The following ADD1 variants were observed in gnomAD, a reference collection of about 807,000 sequenced individuals.
ADD1 encodes alpha-adducin.
Under a neutral mutation model 80.5 loss-of-function variants are expected in ADD1, and 24 were observed. That is an observed-to-expected ratio of 0.30 (90% CI 0.22 to 0.42). The LOEUF (loss-of-function observed/expected upper bound fraction) is 0.42. Ranked by LOEUF, ADD1 falls within the 10% of genes least tolerant of loss-of-function variation. The pLI, the probability that ADD1 is intolerant of heterozygous loss-of-function variation, is 1.00. For synonymous variants in ADD1, 373 were observed against 393.8 expected (o/e 0.95, Z 0.63); for missense variants, 948 against 1,019.0 (o/e 0.93, Z 0.95).
At chr4:2,872,663 C>T (rs895998104) in intron 1 of ADD1, among the ~76,000 whole-genome samples, 2 of 152,148 alleles carry the variant, frequency 1.3e-5, no homozygotes, top group African/African-American at 4.8e-5. Context: ...GTCGAGTGAT[C>T]CTCTCTCCTC....
At chr4:2,860,289 G>A (rs1258133609) in intron 1 of ADD1, among the ~76,000 whole-genome samples, 2 of 152,102 alleles carry the variant, frequency 1.3e-5, no homozygotes, top group African/African-American at 2.4e-5. Flanking sequence ...TCAACTTTGG[G>A]AATTGACGTG....
intron 15 of ADD1, among the ~76,000 whole-genome samples, chr4:2,927,798 C>T (rs986579770): frequency 6.6e-6 from 1 of 152,346 alleles, no homozygotes; most frequent in African/African-American, 2.4e-5. Flanking sequence ...ACTACTAGTA[C>T]ATGCCCTTAG....
chr4:2,894,574 A>T lies in ADD1; in HGVS notation c.592-8A>T, dbSNP rs754440619. 1.5e-5 allele frequency: 24 copies of T among 1,563,880 alleles called. No homozygotes were observed. Among genetic ancestry groups the T allele is most frequent in the Admixed American group, 4.1e-5 (2 of 48,674 alleles). On this transcript the variant is annotated splice_region_variant and splice_polypyrimidine_tract_variant and intron_variant, in intron 5 of 15. Transcript: ENST00000683351. ...TGGTATTTTACATTTTTATTTTTTT[A>T]TTTTCAGGTTAAGATCAATCTACAA...
At chr4:2,893,091 A>G (rs1235891463) in intron 4 of ADD1, among the ~76,000 whole-genome samples, 3 of 151,156 alleles carry the variant, frequency 2.0e-5, no homozygotes, top group South Asian at 2.1e-4. Context: ...CAAGTTGTCT[A>G]TTTTATTTTA....
intron 1 of ADD1, among the ~76,000 whole-genome samples, chr4:2,860,336 C>A (rs2108821838): frequency 6.6e-6 from 1 of 152,314 alleles, no homozygotes; most frequent in South Asian, 2.1e-4. Context: ...TTCAGAGATA[C>A]AAAACCCAAT....
chr4:2,921,309 T>G (rs1273058733), intron 14 of ADD1, among the ~76,000 whole-genome samples: 1 of 152,132 alleles, frequency 6.6e-6, no homozygotes, highest in African/African-American at 2.4e-5. Context: ...TTTGTATTTT[T>G]AGTAGAGATG....
intron 1 of ADD1, among the ~76,000 whole-genome samples, chr4:2,847,352 C>T (rs980464972): frequency 5.3e-5 from 8 of 151,080 alleles, no homozygotes; most frequent in Non-Finnish European, 8.8e-5. Context: ...ACCCAGGAGG[C>T]GGAGGTCGCA....
chr4:2,900,337 G>A (rs1735967904), intron 9 of ADD1: 1 of 152,434 alleles, frequency 6.6e-6, no homozygotes, highest in Admixed American at 6.5e-5. Context: ...CAGACACAGG[G>A]CTCTGGAACA....
chr4:2,894,444 C>T lies in ADD1; in HGVS notation c.592-138C>T, dbSNP rs934255941. ...ATGGTGGTGGGAGGATTGTTTGAACCTGGGAGGTGGAGGCCGAGGTCGCAC... is the reference window on the plus strand; with the variant it reads ...ATGGTGGTGGGAGGATTGTTTGAACTTGGGAGGTGGAGGCCGAGGTCGCAC... On this transcript the variant is annotated intron_variant, in intron 5 of 15. Coordinates refer to ENST00000683351, the MANE Select transcript of ADD1 (RefSeq NM_001354761.2). 6 of 742,564 alleles carry T rather than the reference C, an allele frequency of 8.1e-6. No homozygotes were observed. In the Admixed American group the frequency reaches 9.7e-5, roughly 12 times the overall value. The allele number at this position is 742,564 out of a possible 1,614,324, so 46.0% of individuals were successfully genotyped here. A position where few individuals can be genotyped will look rare whatever the true frequency, so the allele number is the denominator to read the frequency against.
intron 1 of ADD1, among the ~76,000 whole-genome samples, chr4:2,852,864 T>A (rs1192030936): frequency 6.6e-6 from 1 of 151,858 alleles, no homozygotes; most frequent in East Asian, 1.9e-4. Flanking sequence ...CACACCCAGC[T>A]AACTAAAAAA....
intron 1 of ADD1, 100 bp from the exon 2 acceptor site, chr4:2,875,796 C>G (rs965812667): frequency 2.0e-6 from 2 of 991,418 alleles, no homozygotes; most frequent in South Asian, 3.8e-5. Context: ...TCATTACATC[C>G]TCCTGTTGAA....
At chr4:2,867,664 C>T (rs1455714037) in intron 1 of ADD1, among the ~76,000 whole-genome samples, 4 of 152,158 alleles carry the variant, frequency 2.6e-5, no homozygotes, top group Admixed American at 6.5e-5. Flanking sequence ...GCTGGGAAGC[C>T]GTTAACTAAC....
intron 13 of ADD1, among the ~76,000 whole-genome samples, chr4:2,911,449 T>TATATATATATA (rs1553848841): frequency 1.1e-5 from 1 of 92,586 alleles, no homozygotes. Flanking sequence ...TATATATATA[T>TATATATATATA]TTTTTTTTTT....
intron 1 of ADD1, among the ~76,000 whole-genome samples, chr4:2,873,396 A>G (rs182047094): frequency 7.9e-5 from 12 of 152,376 alleles, no homozygotes; most frequent in Non-Finnish European, 1.2e-4. Flanking sequence ...AAGTAGAATT[A>G]TGCTTAATCT....
intron 9 of ADD1, among the ~76,000 whole-genome samples, chr4:2,904,348 G>A (rs1560222116): frequency 6.6e-6 from 1 of 152,196 alleles, no homozygotes; most frequent in East Asian, 1.9e-4. Flanking sequence ...AACAAAGGTT[G>A]TTTTGCATCT....
At chr4:2,921,800 A>G (rs137935183) in intron 14 of ADD1, among the ~76,000 whole-genome samples, 2,990 of 152,128 alleles carry the variant, frequency 0.02, 61 homozygotes, top group African/African-American at 0.046. Flanking sequence ...GTCTTTTCAC[A>G]TAGTCCCATA....
rs2108961189 is a variant in ADD1 at position 2,886,494 on chromosome 4, G to A, written c.510+1828G>A. On this transcript the variant is annotated intron_variant, in intron 4 of 15. Transcript: ENST00000683351. ...GCGGCACGGTCACTCTGTGTAGAAT[G>A]TCATCGCTGCTTTATTCCCCTGTAG... is the stretch of plus-strand genomic sequence containing the variant. Among the ~76,000 whole-genome samples, 2 of 152,274 alleles carry A rather than the reference G, an allele frequency of 1.3e-5. 1 individual carries two copies. Among genetic ancestry groups the A allele is most frequent in the South Asian group, 4.1e-4 (2 of 4,832 alleles).
At chr4:2,851,659 A>G (rs1017448402) in intron 1 of ADD1, among the ~76,000 whole-genome samples, 1 of 152,210 alleles carries the variant, frequency 6.6e-6, no homozygotes, top group African/African-American at 2.4e-5. Context: ...CCATTAATCA[A>G]GTTATTCAAG....
intron 4 of ADD1, among the ~76,000 whole-genome samples, chr4:2,888,061 T>C (rs934040862): frequency 1.3e-5 from 2 of 152,092 alleles, no homozygotes; most frequent in Non-Finnish European, 2.9e-5. Context: ...AGCGTTATTA[T>C]TATTATTATT....
Sources: gnomAD v4.1 joint callset for allele counts (sites outside exome capture counted in the v4.1 genomes callset) on GRCh38, gnomAD v4.1.1 for gene constraint, MANE v1.5 for transcripts, NCBI Gene and HGNC (gene_info 2026-07-23, HGNC 2026-07-21) for gene names.